Variants in COTL1 observed in about 807,000 individuals in gnomAD.
The protein encoded by COTL1 is coactosin like F-actin binding protein 1.
Under a neutral mutation model 16.5 loss-of-function variants are expected in COTL1, and 15 were observed. The observed-to-expected ratio is 0.91, with a 90% CI of 0.61 to 1.40. COTL1 has a LOEUF of 1.40. COTL1 is among the 40% of genes most tolerant of loss of function. The pLI, the probability that COTL1 is intolerant of heterozygous loss-of-function variation, is 0.00. For missense variants in COTL1, 220 were observed against 201.5 expected (o/e 1.09, Z -0.56); for synonymous variants, 112 against 85.3 (o/e 1.31, Z -1.73).
In COTL1 at chr16:84,612,510, C is replaced by T. The variant is rs1905354296; in HGVS notation, c.160+4991G>A. Among the ~76,000 whole-genome samples, 6 of 151,836 alleles carry T rather than the reference C, an allele frequency of 4.0e-5. No individual in the cohort carries two copies. The South Asian group carries it at 6.2e-4, about 16-fold the overall frequency. ...AAAAATAATTATTTGAGGCCGGGCG[C>T]GGTGGCTCACGCCTGTAATCCCAGC... On this transcript the variant is annotated intron_variant, in intron 2 of 3. Transcript: ENST00000262428.
chr16:84,577,018 G>C (rs988953717), intron 3 of COTL1: 1 of 152,216 alleles, frequency 6.6e-6, no homozygotes, highest in Non-Finnish European at 1.5e-5. Context: ...ACAGTCCCCA[G>C]CACCCTGAAT....
chr16:84,597,323 A>T (rs746522774), intron 2 of COTL1, among the ~76,000 whole-genome samples: 1 of 152,220 alleles, frequency 6.6e-6, no homozygotes, highest in Non-Finnish European at 1.5e-5. Flanking sequence ...CTGTGAGGGC[A>T]GCACAGATCG....
At chr16:84,586,830 A>T (rs974194648) in intron 3 of COTL1, among the ~76,000 whole-genome samples, 9 of 151,908 alleles carry the variant, frequency 5.9e-5, no homozygotes, top group African/African-American at 2.2e-4. Flanking sequence ...ACCTCAGGTG[A>T]CCGGCTGCCT....
intron 3 of COTL1, among the ~76,000 whole-genome samples, chr16:84,581,223 G>A (rs567220304): frequency 5.7e-5 from 7 of 123,226 alleles, no homozygotes; most frequent in Non-Finnish European, 1.1e-4. Flanking sequence ...CCCGGCCTGA[G>A]CCCAGGCCCA....
At chr16:84,608,894 G>A (rs936568891) in intron 2 of COTL1, among the ~76,000 whole-genome samples, 2 of 152,150 alleles carry the variant, frequency 1.3e-5, no homozygotes, top group African/African-American at 2.4e-5. Context: ...GACAGGGCAC[G>A]ACCTTGTCTC....
intron 3 of COTL1, among the ~76,000 whole-genome samples, chr16:84,581,617 C>A (rs888990905): frequency 2.6e-5 from 4 of 152,158 alleles, no homozygotes; most frequent in African/African-American, 7.2e-5. Flanking sequence ...GATTCTCCTG[C>A]CGCAGCCTCC....
intron 3 of COTL1, among the ~76,000 whole-genome samples, chr16:84,583,781 T>C (rs1451887650): frequency 6.6e-6 from 1 of 152,082 alleles, no homozygotes; most frequent in African/African-American, 2.4e-5. Context: ...TCAGAAGCTA[T>C]CAGAATAGAC....
intron 2 of COTL1, among the ~76,000 whole-genome samples, chr16:84,616,694 C>G: frequency 6.6e-6 from 1 of 152,170 alleles, no homozygotes; most frequent in East Asian, 1.9e-4. Context: ...GCCTCTGCCA[C>G]TACCGAAGGG....
chr16:84,601,097 G>C (rs1408615471), intron 2 of COTL1, among the ~76,000 whole-genome samples: 1 of 152,148 alleles, frequency 6.6e-6, no homozygotes, highest in African/African-American at 2.4e-5. Context: ...CTGCGCCACT[G>C]AGGGGTTCAG....
rs1904302006 is a variant in COTL1, at chr16:84,567,062, A to G, written c.319-107T>C. On this transcript the variant is annotated intron_variant, in intron 3 of 3. Coordinates refer to ENST00000262428, the MANE Select transcript of COTL1 (RefSeq NM_021149.5). ...AAGCAAAGCACTGAAAACCCTGATG[A>G]GAGATGGAAATGGAAATTCAGCAGC... The G allele has an allele frequency of 5.3e-6, 4 of 750,782 alleles. No homozygotes were observed. The Admixed American group carries it at 5.8e-5, about 11-fold the overall frequency. 46.5% of individuals were successfully genotyped at this position (750,782 alleles called of 1,614,324 possible).
In COTL1 at chr16:84,566,803, G is replaced by T. The variant is rs762034210; in HGVS notation, c.*42C>A. Reference sequence around the variant, plus strand: ...CGGCGGTCCTCTCCCCCGGGGAGCAGGCAGATGACTTTGGCAAGGGGTGGT... The same window carrying T: ...CGGCGGTCCTCTCCCCCGGGGAGCATGCAGATGACTTTGGCAAGGGGTGGT... On this transcript the variant is annotated 3_prime_UTR_variant, in exon 4 of 4. Transcript: ENST00000262428. 1 of 1,383,962 alleles carries T rather than the reference G, an allele frequency of 7.2e-7. No individual in the cohort carries two copies. The highest frequency in any genetic ancestry group is 1.0e-6 in the Non-Finnish European group (1 of 972,052). 85.7% of individuals were successfully genotyped at this position (1,383,962 alleles called of 1,614,324 possible).
chr16:84,580,607 T>C (rs1042146850), intron 3 of COTL1, among the ~76,000 whole-genome samples: 9 of 152,262 alleles, frequency 5.9e-5, no homozygotes, highest in African/African-American at 1.9e-4. Flanking sequence ...CCTCCCATTA[T>C]AAAAGCCCCA....
chr16:84,591,713 C>A (rs545583647), intron 2 of COTL1, among the ~76,000 whole-genome samples: 21 of 146,916 alleles, frequency 1.4e-4, no homozygotes, highest in Non-Finnish European at 2.5e-4. Context: ...GTCCCAGCTA[C>A]CAGGGAGGCT....
intron 2 of COTL1, among the ~76,000 whole-genome samples, chr16:84,600,919 A>T (rs542974064): frequency 1.3e-5 from 2 of 152,156 alleles, no homozygotes; most frequent in Non-Finnish European, 2.9e-5. Flanking sequence ...TTTTCCCCCT[A>T]TGACAAAGCA....
At position 84,566,959 on chromosome 16, in the gene COTL1, C is replaced by G; in HGVS notation, c.319-4G>C. 6.2e-7 allele frequency: 1 copy of G among 1,605,682 alleles called. No individual in the cohort carries two copies. The highest frequency in any genetic ancestry group is 2.2e-5 in the East Asian group (1 of 44,854). ...TCACAAACTCCTTAGCGAAATTCTG[C>G]AAGAACAAAGGAAAACACAGCGTTC... On this transcript the variant is annotated splice_region_variant and splice_polypyrimidine_tract_variant and intron_variant, in intron 3 of 3. Coordinates refer to ENST00000262428, the MANE Select transcript of COTL1 (RefSeq NM_021149.5).
chr16:84,577,529 G>A (rs1274472558), intron 3 of COTL1, among the ~76,000 whole-genome samples: 1 of 152,228 alleles, frequency 6.6e-6, no homozygotes, highest in East Asian at 1.9e-4. Context: ...ACAGGCACGA[G>A]CCACCATGCC....
chr16:84,591,192 T>C (rs1282311000), intron 2 of COTL1, among the ~76,000 whole-genome samples: 1 of 151,536 alleles, frequency 6.6e-6, no homozygotes, highest in Non-Finnish European at 1.5e-5. Context: ...GAATTTTTTT[T>C]TTTTTTTTTG....
intron 3 of COTL1, among the ~76,000 whole-genome samples, chr16:84,578,966 C>T (rs1245944207): frequency 6.6e-6 from 1 of 151,972 alleles, no homozygotes; most frequent in Non-Finnish European, 1.5e-5. Context: ...GGTATGCACA[C>T]ACATGCACAT....
intron 3 of COTL1, among the ~76,000 whole-genome samples, chr16:84,589,234 CA>C (rs1352484689): frequency 1.3e-5 from 2 of 152,220 alleles, no homozygotes; most frequent in Non-Finnish European, 2.9e-5. Context: ...CTCAGCCTTC[CA>C]AAGTGCTGTG....
Sources: gnomAD v4.1 joint callset for allele counts (sites outside exome capture counted in the v4.1 genomes callset) on GRCh38, gnomAD v4.1.1 for gene constraint, MANE v1.5 for transcripts, NCBI Gene and HGNC (gene_info 2026-07-23, HGNC 2026-07-21) for gene names.